Variants in MTHFD2L observed in about 807,000 individuals in gnomAD.
MTHFD2L encodes bifunctional methylenetetrahydrofolate dehydrogenase/cyclohydrolase 2, mitochondrial.
Under a neutral mutation model 34.9 loss-of-function variants are expected in MTHFD2L, and 29 were observed. That is an observed-to-expected ratio of 0.83 (90% CI 0.62 to 1.13). The LOEUF is 1.13. Among genes scored for constraint, MTHFD2L ranks in the 50% most tolerant of loss-of-function variants. The probability of loss-of-function intolerance (pLI) is 0.00; values close to 1 mark genes in which losing one functional copy is unlikely to be tolerated. For missense variants in MTHFD2L, 481 were observed against 446.5 expected (o/e 1.08, Z -0.70); for synonymous variants, 167 against 155.7 (o/e 1.07, Z -0.54).
chr4:74,123,391 G>A (rs1721852307), upstream of MTHFD2L: 1 of 152,128 alleles, frequency 6.6e-6, no homozygotes, highest in Non-Finnish European at 1.5e-5. Context: ...TGCTTTCTTG[G>A]CAGTTGCATG....
intron 5 of MTHFD2L, among the ~76,000 whole-genome samples, chr4:74,221,765 A>G (rs1738231890): frequency 6.6e-6 from 1 of 151,572 alleles, no homozygotes; most frequent in East Asian, 1.9e-4. Flanking sequence ...ATATGGTAAA[A>G]CTATCATATT....
At chr4:74,238,863 A>C (rs1397219046) in intron 6 of MTHFD2L, among the ~76,000 whole-genome samples, 1 of 152,242 alleles carries the variant, frequency 6.6e-6, no homozygotes, top group Admixed American at 6.5e-5. Context: ...GATGTGGAGA[A>C]ATAGGAACAC....
chr4:74,116,015 G>A (rs990822489), intron 2 of MTHFD2L, among the ~76,000 whole-genome samples: 3 of 152,154 alleles, frequency 2.0e-5, no homozygotes, highest in Admixed American at 6.6e-5. Context: ...CTGAAGGGGA[G>A]GGGTTTGTTT....
intron 1 of MTHFD2L, 128 bp from the exon 2 acceptor site, chr4:74,174,378 A>T: frequency 3.3e-6 from 2 of 609,380 alleles, no homozygotes; most frequent in Non-Finnish European, 5.0e-6. Context: ...TGTCACTATA[A>T]TTGAAAAAAA....
At chr4:74,206,640 C>A (rs1156964907) in intron 5 of MTHFD2L, among the ~76,000 whole-genome samples, 1 of 151,918 alleles carries the variant, frequency 6.6e-6, no homozygotes, top group Non-Finnish European at 1.5e-5. Flanking sequence ...TTAAGCTGCC[C>A]AGTTACATTT....
rs749659824 is a variant in MTHFD2L, at chr4:74,163,599, G to A, written c.143+5318G>A. ...TTCAAGATGTGAATAGGGTACTTGG[G>A]GTATGAAACAAATTTTTTTAAAGAG... On this transcript the variant is annotated intron_variant, in intron 1 of 7. Coordinates refer to ENST00000325278, the MANE Select transcript of MTHFD2L (RefSeq NM_001144978.3). 2.6e-4 allele frequency among the ~76,000 whole-genome samples: 40 copies of A among 152,204 alleles called. 1 individual carries two copies. The highest frequency in any genetic ancestry group is 1.5e-3 in the Admixed American group (23 of 15,292).
At chr4:74,295,173 G>A (rs1201914520) in intron 7 of MTHFD2L, among the ~76,000 whole-genome samples, 1 of 152,058 alleles carries the variant, frequency 6.6e-6, no homozygotes, top group East Asian at 1.9e-4. Flanking sequence ...ACCCCATATA[G>A]CCCATGATCA....
intron 7 of MTHFD2L, chr4:74,288,171 C>T (rs1406884931): frequency 2.6e-5 from 4 of 152,138 alleles, no homozygotes; most frequent in Admixed American, 2.6e-4. Context: ...TTCTGAGGTA[C>T]TGGGGTTAAG....
chr4:74,165,301 T>A (rs1012392687), intron 1 of MTHFD2L, among the ~76,000 whole-genome samples: 2 of 152,232 alleles, frequency 1.3e-5, no homozygotes, highest in African/African-American at 4.8e-5. Flanking sequence ...GTTTCTTAGC[T>A]GTATCTTTTA....
intron 5 of MTHFD2L, among the ~76,000 whole-genome samples, chr4:74,214,640 T>C (rs1321875926): frequency 2.0e-5 from 3 of 151,754 alleles, no homozygotes; most frequent in Non-Finnish European, 4.4e-5. Context: ...ATGAGGTGTC[T>C]ATTGACCCCT....
At chr4:74,212,217 A>G (rs551580300) in intron 5 of MTHFD2L, among the ~76,000 whole-genome samples, 4 of 151,452 alleles carry the variant, frequency 2.6e-5, no homozygotes, top group Admixed American at 6.6e-5. Flanking sequence ...GATCTTAGTT[A>G]TTTCTTGTCT....
intron 1 of MTHFD2L, among the ~76,000 whole-genome samples, chr4:74,146,321 A>C (rs976274352): frequency 2.0e-5 from 3 of 152,182 alleles, no homozygotes; most frequent in African/African-American, 7.2e-5. Flanking sequence ...CTAAGTTATT[A>C]AAAAATTATT....
intron 1 of MTHFD2L, 40 bp from the exon 2 acceptor site, chr4:74,174,466 C>G: frequency 7.5e-7 from 1 of 1,330,368 alleles, no homozygotes; most frequent in Non-Finnish European, 9.8e-7. Flanking sequence ...TTGAGTGTTT[C>G]TTATTTTCTT....
At chr4:74,146,205 A>G (rs1032055678) in intron 1 of MTHFD2L, among the ~76,000 whole-genome samples, 1 of 152,238 alleles carries the variant, frequency 6.6e-6, no homozygotes, top group African/African-American at 2.4e-5. Flanking sequence ...ACAAATCAAA[A>G]TATTGCTAAA....
chr4:74,247,629 C>T lies in MTHFD2L; in HGVS notation c.805+22235C>T, dbSNP rs1207283896. 1.6e-4 allele frequency among the ~76,000 whole-genome samples: 24 copies of T among 152,194 alleles called. No homozygotes were observed. In the South Asian group the frequency reaches 1.9e-3, roughly 12 times the overall value. On this transcript the variant is annotated intron_variant, in intron 6 of 7. Transcript: ENST00000325278. ...TTGGCTGTGGGTTTGTCATAGATAG[C>T]GCTTATTATTTTGAGATACGTCCCA...
chr4:74,280,828 A>T lies in MTHFD2L; in HGVS notation c.806-597A>T, dbSNP rs533411305. 2.0e-5 allele frequency among the ~76,000 whole-genome samples: 3 copies of T among 151,704 alleles called. No homozygotes were observed. The South Asian group carries it at 6.2e-4, about 31-fold the overall frequency. On this transcript the variant is annotated intron_variant, in intron 6 of 7. Coordinates refer to ENST00000325278, the MANE Select transcript of MTHFD2L (RefSeq NM_001144978.3). ...TATACGGACATCGTGATTCAAAGAA[A>T]CCAAGAAAAAATAAAAAGAAAGCTC...
chr4:74,131,306 C>T (rs1722477601), intron 1 of MTHFD2L, among the ~76,000 whole-genome samples: 1 of 152,024 alleles, frequency 6.6e-6, no homozygotes, highest in African/African-American at 2.4e-5. Flanking sequence ...AAAAATGCTG[C>T]AAGCATCATG....
chr4:74,156,086 A>T (rs1424589721), upstream of MTHFD2L, among the ~76,000 whole-genome samples: 1 of 151,936 alleles, frequency 6.6e-6, no homozygotes, highest in African/African-American at 2.4e-5. Context: ...TGTGAATAAT[A>T]TTTTTTAATA....
intron 6 of MTHFD2L, among the ~76,000 whole-genome samples, chr4:74,243,160 T>A (rs908250625): frequency 6.6e-6 from 1 of 152,382 alleles, no homozygotes; most frequent in Admixed American, 6.5e-5. Flanking sequence ...AGCTGCCATA[T>A]GCTTTTTAAG....
Sources: allele counts gnomAD v4.1 joint callset (sites outside exome capture counted in the v4.1 genomes callset), GRCh38; gene constraint gnomAD v4.1.1; transcripts MANE v1.5; gene names NCBI Gene and HGNC (gene_info 2026-07-23, HGNC 2026-07-21).